Variants in FER observed in about 807,000 individuals in gnomAD.
FER encodes the protein tyrosine-protein kinase Fer.
FER carries 63 observed loss-of-function variants against 111.0 expected under a neutral mutation model. That is an observed-to-expected ratio of 0.57 (90% CI 0.46 to 0.70). FER has a LOEUF of 0.70. Ranked by LOEUF, FER falls within the 30% of genes least tolerant of loss-of-function variation. FER has a pLI of 0.00. For synonymous variants in FER, 327 were observed against 313.9 expected (o/e 1.04, Z -0.44); for missense variants, 914 against 954.0 (o/e 0.96, Z 0.55).
intron 10 of FER, among the ~76,000 whole-genome samples, chr5:108,909,921 A>T (rs550215362): frequency 1.3e-5 from 2 of 151,804 alleles, no homozygotes; most frequent in Admixed American, 1.3e-4. Flanking sequence ...TAAATACTCA[A>T]ATATTTTTAA....
intron 17 of FER, among the ~76,000 whole-genome samples, chr5:109,147,503 A>G (rs944044841): frequency 2.6e-5 from 4 of 152,160 alleles, no homozygotes; most frequent in African/African-American, 9.6e-5. Context: ...ATAGTTTTCA[A>G]AAAAAGAAAA....
intron 13 of FER, among the ~76,000 whole-genome samples, chr5:109,001,465 G>A (rs1764760785): frequency 6.6e-6 from 1 of 152,146 alleles, no homozygotes; most frequent in African/African-American, 2.4e-5. Context: ...AATCAATTAG[G>A]TATTGATGGG....
At chr5:109,125,622 G>C (rs72796580) in intron 17 of FER, among the ~76,000 whole-genome samples, 5,534 of 152,244 alleles carry the variant, frequency 0.036, 110 homozygotes, top group Middle Eastern at 0.11. Context: ...GTTTGGCACA[G>C]TGCTTAGAAC....
chr5:108,941,298 T>C (rs1176796154), intron 10 of FER, among the ~76,000 whole-genome samples: 1 of 151,940 alleles, frequency 6.6e-6, no homozygotes, highest in African/African-American at 2.4e-5. Flanking sequence ...AAAAAAGGAG[T>C]GGGTATGTCC....
intron 17 of FER, among the ~76,000 whole-genome samples, chr5:109,132,355 T>A (rs368977409): frequency 2.0e-5 from 3 of 152,210 alleles, no homozygotes; most frequent in Admixed American, 6.5e-5. Context: ...ATTCATTTAA[T>A]CTATTGAGTG....
At chr5:109,144,096 G>C (rs1753807300) in intron 17 of FER, among the ~76,000 whole-genome samples, 1 of 151,912 alleles carries the variant, frequency 6.6e-6, no homozygotes, top group Non-Finnish European at 1.5e-5. Flanking sequence ...AGCATGATTT[G>C]GAACCATTTT....
chr5:109,071,900 A>G (rs946407563), intron 16 of FER, among the ~76,000 whole-genome samples: 4 of 151,856 alleles, frequency 2.6e-5, no homozygotes, highest in Non-Finnish European at 4.4e-5. Flanking sequence ...ATATAGTTCT[A>G]TCGTCATGAG....
intron 2 of FER, among the ~76,000 whole-genome samples, chr5:108,790,952 C>A (rs991237867): frequency 6.6e-6 from 1 of 152,198 alleles, no homozygotes; most frequent in African/African-American, 2.4e-5. Flanking sequence ...TTTCAAGGTT[C>A]ATCCATGTTG....
intron 1 of FER, among the ~76,000 whole-genome samples, chr5:108,764,786 A>T (rs1247227468): frequency 6.6e-6 from 1 of 152,168 alleles, no homozygotes; most frequent in Non-Finnish European, 1.5e-5. Flanking sequence ...GATTTTGAAA[A>T]ACTAAGGGGA....
intron 17 of FER, among the ~76,000 whole-genome samples, chr5:109,120,295 T>C (rs1463532996): frequency 2.0e-5 from 3 of 151,968 alleles, no homozygotes; most frequent in African/African-American, 7.2e-5. Context: ...GCAAGAGATA[T>C]GGGTTTAGTT....
chr5:108,785,597 GA>G lies in FER; in HGVS notation c.-59-12517del, dbSNP rs778343818. ...TAGAAATTAAGAAACGAACAAACTGGAAAAAAAAAAGTGGGGAGTCTCAGGC... is the reference window on the plus strand; with the variant it reads ...TAGAAATTAAGAAACGAACAAACTGGAAAAAAAAAGTGGGGAGTCTCAGGC... On this transcript the variant is annotated intron_variant, in intron 2 of 19. Transcript: ENST00000281092. 6.6e-3 allele frequency: 2,415 copies of G among 368,298 alleles called. 7 individuals carry two copies. Among genetic ancestry groups the G allele is most frequent in the East Asian group, 0.035 (560 of 15,882 alleles). The allele number at this position is 368,298 out of a possible 1,614,324, so 22.8% of individuals were successfully genotyped here.
At position 109,022,394 on chromosome 5, in the gene FER, G is replaced by A. The variant is rs73780407; in HGVS notation, c.1657-15028G>A. Among the ~76,000 whole-genome samples, 892 of 152,244 alleles carry A rather than the reference G, an allele frequency of 5.9e-3. 10 individuals carry two copies. The highest frequency in any genetic ancestry group is 0.02 in the African/African-American group (833 of 41,558). The stretch of plus-strand genomic sequence containing the variant: ...CATAAAGGAACCAGGAATGGGAAGA[G>A]AGACAAGTAGGCTTGCAGTACAGGA... On this transcript the variant is annotated intron_variant, in intron 13 of 19. Transcript: ENST00000281092.
chr5:109,024,579 G>A (rs998293316), intron 13 of FER, among the ~76,000 whole-genome samples: 1 of 152,008 alleles, frequency 6.6e-6, no homozygotes, highest in Admixed American at 6.6e-5. Flanking sequence ...TACGGAGGAC[G>A]GTGGGTAGAT....
At chr5:108,993,583 G>T (rs1284090119) in intron 13 of FER, among the ~76,000 whole-genome samples, 1 of 145,862 alleles carries the variant, frequency 6.9e-6, no homozygotes, top group Non-Finnish European at 1.5e-5. Flanking sequence ...GAGAGGGAGA[G>T]GGAGAGGGAG....
At chr5:109,030,949 A>G (rs1417579847) in intron 13 of FER, among the ~76,000 whole-genome samples, 1 of 151,984 alleles carries the variant, frequency 6.6e-6, no homozygotes, top group Non-Finnish European at 1.5e-5. Flanking sequence ...GAGGCCTCTT[A>G]GGCTTGGTCG....
intron 17 of FER, among the ~76,000 whole-genome samples, chr5:109,164,582 C>A (rs1024399687): frequency 2.6e-5 from 4 of 152,076 alleles, no homozygotes; most frequent in African/African-American, 4.8e-5. Context: ...TGTCTTGATT[C>A]TTGTTGTTTT....
intron 14 of FER, among the ~76,000 whole-genome samples, chr5:109,040,977 C>A (rs569514362): frequency 6.6e-6 from 1 of 152,084 alleles, no homozygotes. Flanking sequence ...TATATTGCTT[C>A]AATTCTTGAA....
At chr5:109,001,299 T>A (rs560722197) in intron 13 of FER, among the ~76,000 whole-genome samples, 1 of 152,200 alleles carries the variant, frequency 6.6e-6, no homozygotes. Flanking sequence ...TCAAGTGGGC[T>A]TCTTCCCTGG....
chr5:108,930,041 T>C (rs1351621224), intron 10 of FER, among the ~76,000 whole-genome samples: 1 of 152,198 alleles, frequency 6.6e-6, no homozygotes, highest in African/African-American at 2.4e-5. Context: ...TGTTTGTTTT[T>C]TGTACCTTTA....
Sources: gnomAD v4.1 joint callset for allele counts (sites outside exome capture counted in the v4.1 genomes callset) on GRCh38, gnomAD v4.1.1 for gene constraint, MANE v1.5 for transcripts, NCBI Gene and HGNC (gene_info 2026-07-23, HGNC 2026-07-21) for gene names.